ST8SIA1: variants seen among roughly 807,000 people sequenced by gnomAD.
ST8SIA1 encodes the protein alpha-N-acetylneuraminide alpha-2,8-sialyltransferase.
Under a neutral mutation model 35.9 loss-of-function variants are expected in ST8SIA1, and 16 were observed. The ratio of observed to expected loss-of-function variants is 0.45; its 90% CI spans 0.30 to 0.68. ST8SIA1 has a LOEUF of 0.68. Among genes scored for constraint, ST8SIA1 ranks in the 30% least tolerant of loss-of-function variants. ST8SIA1 has a pLI of 0.09. For synonymous variants in ST8SIA1, 170 were observed against 169.6 expected (o/e 1.00, Z -0.02); for missense variants, 383 against 453.6 (o/e 0.84, Z 1.41).
At chr12:22,284,061 C>T (rs1249040369) in intron 2 of ST8SIA1, among the ~76,000 whole-genome samples, 3 of 152,182 alleles carry the variant, frequency 2.0e-5, no homozygotes, top group Non-Finnish European at 2.9e-5. Context: ...AATTCACAGA[C>T]ATTTCAATAG....
chr12:22,333,780 C>A, intron 1 of ST8SIA1: 1 of 752,652 alleles, frequency 1.3e-6, no homozygotes, highest in Non-Finnish European at 2.4e-6. Context: ...ATGCGCAAAG[C>A]AGGTGTCTGC....
intron 3 of ST8SIA1, among the ~76,000 whole-genome samples, chr12:22,251,386 A>G (rs1175981283): frequency 6.6e-6 from 1 of 152,198 alleles, no homozygotes; most frequent in East Asian, 1.9e-4. Context: ...ACTTGCAGGT[A>G]TTTATTATCT....
chr12:22,307,443 G>A (rs1011116864), intron 1 of ST8SIA1, among the ~76,000 whole-genome samples: 5 of 152,104 alleles, frequency 3.3e-5, no homozygotes, highest in South Asian at 2.1e-4. Flanking sequence ...TTCAGGATAC[G>A]ACCTTTCCTG....
In ST8SIA1 at chr12:22,334,569, A is replaced by G; in HGVS notation, c.-337T>C. The stretch of plus-strand genomic sequence containing the variant: ...GAGTCGCTCCCGCCGGTTCTGCAGC[A>G]TCACGGTCGCCCTCGGCGAGGGTCC... On this transcript the variant is annotated 5_prime_UTR_variant, in exon 1 of 5. The change abolishes an upstream ATG in the 5' untranslated region. Transcript: ENST00000396037. The G allele has an allele frequency of 2.7e-6, 1 of 363,890 alleles. No homozygotes were observed. Among genetic ancestry groups the G allele is most frequent in the Middle Eastern group, 8.1e-4 (1 of 1,228 alleles). 22.5% of individuals were successfully genotyped at this position (363,890 alleles called of 1,614,324 possible). A position where few individuals can be genotyped will look rare whatever the true frequency, so the allele number is the denominator to read the frequency against.
At chr12:22,224,988 A>G (rs912868757) in intron 4 of ST8SIA1, among the ~76,000 whole-genome samples, 2 of 152,230 alleles carry the variant, frequency 1.3e-5, no homozygotes, top group Non-Finnish European at 2.9e-5. Context: ...GACATAGATC[A>G]TACATAGGAA....
Position 22,288,481 on chromosome 12 carries a change from G to A in ST8SIA1, c.237-1188C>T, listed in dbSNP as rs73251936. ...GTGTTCTCCTTCTTATTGTCACACC[G>A]TCCCAGCCTCATTGTTGCCAGGAAT... On this transcript the variant is annotated intron_variant, in intron 1 of 4. Coordinates refer to ENST00000396037, the MANE Select transcript of ST8SIA1 (RefSeq NM_003034.4). Among the ~76,000 whole-genome samples the A allele has an allele frequency of 8.1e-3, 1,237 of 152,286 alleles. 20 individuals carry two copies. Among genetic ancestry groups the A allele is most frequent in the African/African-American group, 0.029 (1,190 of 41,560 alleles).
chr12:22,273,721 T>C (rs1201480066), intron 2 of ST8SIA1, among the ~76,000 whole-genome samples: 1 of 152,118 alleles, frequency 6.6e-6, no homozygotes, highest in Non-Finnish European at 1.5e-5. Context: ...TTGGTGATTG[T>C]ATCCACCAAA....
intron 1 of ST8SIA1, among the ~76,000 whole-genome samples, chr12:22,309,947 T>A (rs535224802): frequency 1.4e-4 from 22 of 152,322 alleles, no homozygotes; most frequent in Admixed American, 1.2e-3. Context: ...TTATTTATCT[T>A]TACAAGAGTT....
rs1491204940 is a variant in ST8SIA1, at chr12:22,195,211, A to AAG, written c.*6339_*6340dup. 1 of 140,286 alleles carries AAG rather than the reference A, an allele frequency of 7.1e-6. No homozygotes were observed. Among genetic ancestry groups the AAG allele is most frequent in the Non-Finnish European group, 1.5e-5 (1 of 65,614 alleles). The allele number at this position is 140,286 out of a possible 1,614,324, so 8.7% of individuals were successfully genotyped here. On this transcript the variant is annotated 3_prime_UTR_variant, in exon 5 of 5. Coordinates refer to ENST00000396037, the MANE Select transcript of ST8SIA1 (RefSeq NM_003034.4). ...AACAAAAAAAAAAAAAAAAAAAAAA[A>AAG]AGAAAGAAAGAAAGAAAGGAAAAAG...
intron 1 of ST8SIA1, among the ~76,000 whole-genome samples, chr12:22,310,348 G>A (rs1866434230): frequency 6.6e-6 from 1 of 152,150 alleles, no homozygotes; most frequent in Admixed American, 6.6e-5. Flanking sequence ...CCCAGCTGAA[G>A]CCCAGGTCTC....
At chr12:22,289,588 T>C (rs1046542457) in intron 1 of ST8SIA1, among the ~76,000 whole-genome samples, 2 of 152,232 alleles carry the variant, frequency 1.3e-5, no homozygotes, top group Non-Finnish European at 2.9e-5. Flanking sequence ...GACTTTAATA[T>C]TCTTTTCTCA....
At chr12:22,273,856 C>T (rs964150950) in intron 2 of ST8SIA1, among the ~76,000 whole-genome samples, 2 of 152,154 alleles carry the variant, frequency 1.3e-5, no homozygotes, top group African/African-American at 4.8e-5. Flanking sequence ...CAGAATTAAA[C>T]ACTATCCCTG....
intron 4 of ST8SIA1, among the ~76,000 whole-genome samples, chr12:22,242,457 T>C (rs936080630): frequency 6.6e-6 from 1 of 152,186 alleles, no homozygotes; most frequent in African/African-American, 2.4e-5. Context: ...TCTGACAATA[T>C]ATATATTTAA....
intron 4 of ST8SIA1, among the ~76,000 whole-genome samples, chr12:22,210,727 T>C (rs138903677): frequency 6.6e-6 from 1 of 152,348 alleles, no homozygotes; most frequent in East Asian, 1.9e-4. Context: ...TGGTTTATTA[T>C]AAAGATTACT....
chr12:22,243,878 A>G (rs1041912888), intron 4 of ST8SIA1, among the ~76,000 whole-genome samples: 6 of 152,134 alleles, frequency 3.9e-5, no homozygotes, highest in African/African-American at 1.4e-4. Context: ...CAAAAAATAC[A>G]AAATCACCCG....
In ST8SIA1 at chr12:22,200,962, G is replaced by A. The variant is rs1865042619; in HGVS notation, c.*590C>T. The A allele has an allele frequency of 6.6e-6, 1 of 151,814 alleles. No homozygotes were observed. Among genetic ancestry groups the A allele is most frequent in the Non-Finnish European group, 1.5e-5 (1 of 67,952 alleles). The allele number at this position is 151,814 out of a possible 1,614,324, so 9.4% of individuals were successfully genotyped here. A position where few individuals can be genotyped will look rare whatever the true frequency, so the allele number is the denominator to read the frequency against. On this transcript the variant is annotated 3_prime_UTR_variant, in exon 5 of 5. Coordinates refer to ENST00000396037, the MANE Select transcript of ST8SIA1 (RefSeq NM_003034.4). ...TGTAAAATTTTAAAAATAGAGGGGA[G>A]CTATAGTTAATATAGACGTGGCTCA...
At chr12:22,276,567 T>A (rs940775171) in intron 2 of ST8SIA1, among the ~76,000 whole-genome samples, 8 of 151,946 alleles carry the variant, frequency 5.3e-5, no homozygotes, top group Non-Finnish European at 1.2e-4. Flanking sequence ...AGGACCACAG[T>A]GTCTTTATTT....
At chr12:22,323,478 C>T (rs1320142114) in intron 1 of ST8SIA1, among the ~76,000 whole-genome samples, 2 of 152,092 alleles carry the variant, frequency 1.3e-5, no homozygotes, top group South Asian at 2.1e-4. Flanking sequence ...GCAGAAATAC[C>T]AATTGACCCA....
At chr12:22,279,700 G>C (rs1866012136) in intron 2 of ST8SIA1, among the ~76,000 whole-genome samples, 2 of 152,214 alleles carry the variant, frequency 1.3e-5, no homozygotes, top group Admixed American at 1.3e-4. Context: ...GTGTTCCACA[G>C]TAAGAACTGC....
Sources: allele counts gnomAD v4.1 joint callset (sites outside exome capture counted in the v4.1 genomes callset), GRCh38; gene constraint gnomAD v4.1.1; transcripts MANE v1.5; gene names NCBI Gene and HGNC (gene_info 2026-07-23, HGNC 2026-07-21).